TTLL5: variants seen among roughly 807,000 people sequenced by gnomAD.
The protein encoded by TTLL5 is tubulin polyglutamylase TTLL5.
TTLL5 carries 132 observed loss-of-function variants against 168.4 expected under a neutral mutation model. That is an observed-to-expected ratio of 0.78 (90% CI 0.68 to 0.91). The LOEUF is 0.91. TTLL5 is among the 40% of genes least tolerant of loss of function. The probability of loss-of-function intolerance (pLI) is 0.00; values close to 1 mark genes in which losing one functional copy is unlikely to be tolerated. For synonymous variants in TTLL5, 546 were observed against 558.6 expected (o/e 0.98, Z 0.32); for missense variants, 1,545 against 1,581.5 (o/e 0.98, Z 0.39).
intron 6 of TTLL5, among the ~76,000 whole-genome samples, chr14:75,697,048 AAAG>A (rs1325838244): frequency 1.3e-5 from 2 of 152,216 alleles, no homozygotes; most frequent in Admixed American, 1.3e-4. Flanking sequence ...AAAGAAATCA[AAAG>A]AAGAATAAAA....
chr14:75,728,416 G>A (rs944795242), intron 12 of TTLL5, among the ~76,000 whole-genome samples: 6 of 151,658 alleles, frequency 4.0e-5, no homozygotes, highest in African/African-American at 1.5e-4. Flanking sequence ...AGACAAGAAA[G>A]AGAGATAGAG....
intron 27 of TTLL5, among the ~76,000 whole-genome samples, chr14:75,799,431 T>C (rs1893164612): frequency 6.6e-6 from 1 of 152,170 alleles, no homozygotes; most frequent in Non-Finnish European, 1.5e-5. Flanking sequence ...AGATTTTGTA[T>C]CTTTTAAGGG....
intron 15 of TTLL5, among the ~76,000 whole-genome samples, chr14:75,744,124 G>A (rs1008355252): frequency 1.2e-4 from 18 of 152,194 alleles, no homozygotes; most frequent in African/African-American, 4.1e-4. Context: ...TAGAGAGAGA[G>A]AAATAATACC....
At chr14:75,667,920 C>A (rs1010134137) in intron 2 of TTLL5, among the ~76,000 whole-genome samples, 8 of 151,908 alleles carry the variant, frequency 5.3e-5, no homozygotes, top group Admixed American at 3.9e-4. Flanking sequence ...GCCACCACAC[C>A]CAGCTAATTT....
chr14:75,759,382 A>AT (rs1890488948), intron 18 of TTLL5, among the ~76,000 whole-genome samples: 1 of 152,018 alleles, frequency 6.6e-6, no homozygotes. Flanking sequence ...GAAAATTGAA[A>AT]TTGTCCTGAA....
intron 28 of TTLL5, among the ~76,000 whole-genome samples, chr14:75,822,617 A>G (rs185162630): frequency 6.6e-6 from 1 of 152,226 alleles, no homozygotes; most frequent in East Asian, 1.9e-4. Flanking sequence ...AGGAATGAAA[A>G]CTGGTGACTC....
At chr14:75,840,369 A>T (rs1896155697) in intron 28 of TTLL5, among the ~76,000 whole-genome samples, 1 of 152,102 alleles carries the variant, frequency 6.6e-6, no homozygotes, top group African/African-American at 2.4e-5. Flanking sequence ...TGCATTAGGT[A>T]TTACTCCTAA....
intron 31 of TTLL5, among the ~76,000 whole-genome samples, chr14:75,952,230 T>G (rs1316986837): frequency 6.6e-6 from 1 of 152,058 alleles, no homozygotes; most frequent in Non-Finnish European, 1.5e-5. Flanking sequence ...ACCACAGTGG[T>G]CAGCAGCCAC....
rs973175641 is a variant in TTLL5, at chr14:75,719,968, T to C, written c.934+142T>C. ...CCTTGGTGTTACTTTTTCCTGCAGT[T>C]GACAAGCTGGGGAACAGGTTTTCCA... On this transcript the variant is annotated intron_variant, in intron 11 of 31. Coordinates refer to ENST00000298832, the MANE Select transcript of TTLL5 (RefSeq NM_015072.5). 11 of 871,636 alleles carry C rather than the reference T, an allele frequency of 1.3e-5. No individual in the cohort carries two copies. The African/African-American group carries it at 1.9e-4, about 15-fold the overall frequency. The allele number at this position is 871,636 out of a possible 1,614,324, so 54.0% of individuals were successfully genotyped here.
intron 30 of TTLL5, among the ~76,000 whole-genome samples, chr14:75,898,564 C>T (rs1595230410): frequency 6.6e-6 from 1 of 152,106 alleles, no homozygotes; most frequent in Non-Finnish European, 1.5e-5. Flanking sequence ...ATCACCTGAG[C>T]CCAGGAAGTT....
chr14:75,733,860 T>G, intron 13 of TTLL5, 129 bp from the exon 14 acceptor site: 15 of 803,392 alleles, frequency 1.9e-5, no homozygotes, highest in East Asian at 5.3e-5. Flanking sequence ...CCCCCGTGGA[T>G]TTTATGGGCT....
chr14:75,815,793 A>G (rs1894357501), intron 27 of TTLL5, among the ~76,000 whole-genome samples: 1 of 152,234 alleles, frequency 6.6e-6, no homozygotes, highest in African/African-American at 2.4e-5. Context: ...CAGTTCTGCA[A>G]CTTTTATGTG....
At chr14:75,864,149 T>TA (rs2030306044) in intron 29 of TTLL5, among the ~76,000 whole-genome samples, 1 of 152,154 alleles carries the variant, frequency 6.6e-6, no homozygotes, top group Non-Finnish European at 1.5e-5. Flanking sequence ...CTTTCTGTTG[T>TA]ATGATCTTAG....
At chr14:75,661,750 G>A (rs1890743436) in intron 1 of TTLL5, 1 of 152,248 alleles carries the variant, frequency 6.6e-6, no homozygotes, top group Non-Finnish European at 1.5e-5. Context: ...AAACTTAAAG[G>A]GCTTCCCAGC....
chr14:75,772,051 G>A (rs1430853947), intron 21 of TTLL5, among the ~76,000 whole-genome samples, 197 bp downstream of exon 21: 1 of 151,962 alleles, frequency 6.6e-6, no homozygotes. Flanking sequence ...TCAATGTGAA[G>A]CAAATCTTTG....
At chr14:75,796,526 A>T (rs913750227) in intron 27 of TTLL5, among the ~76,000 whole-genome samples, 3 of 151,946 alleles carry the variant, frequency 2.0e-5, no homozygotes, top group Admixed American at 1.3e-4. Flanking sequence ...GGTTTTTCTG[A>T]TGTTATCTTC....
At chr14:75,721,974 A>G (rs1887867028) in intron 12 of TTLL5, among the ~76,000 whole-genome samples, 1 of 152,204 alleles carries the variant, frequency 6.6e-6, no homozygotes, top group African/African-American at 2.4e-5. Context: ...GTCTTCTGAA[A>G]TCCTTAAATG....
At chr14:75,722,157 G>A (rs1227103688) in intron 12 of TTLL5, among the ~76,000 whole-genome samples, 4 of 152,048 alleles carry the variant, frequency 2.6e-5, no homozygotes, top group African/African-American at 7.2e-5. Context: ...GAGTTCTGCT[G>A]TTTGGCCTAA....
intron 15 of TTLL5, among the ~76,000 whole-genome samples, chr14:75,737,123 G>A (rs764472681): frequency 6.6e-6 from 1 of 152,198 alleles, no homozygotes; most frequent in Non-Finnish European, 1.5e-5. Context: ...TAGTTTGCCT[G>A]TCAGCTTTAT....
Sources: gnomAD v4.1 joint callset for allele counts (sites outside exome capture counted in the v4.1 genomes callset) on GRCh38, gnomAD v4.1.1 for gene constraint, MANE v1.5 for transcripts, NCBI Gene and HGNC (gene_info 2026-07-23, HGNC 2026-07-21) for gene names.